The following COBL variants were observed in gnomAD, a reference collection of about 807,000 sequenced individuals.
COBL encodes the protein protein cordon-bleu.
COBL carries 51 observed loss-of-function variants against 98.8 expected under a neutral mutation model. The ratio of observed to expected loss-of-function variants is 0.52; its 90% CI spans 0.41 to 0.65. The LOEUF (loss-of-function observed/expected upper bound fraction) is 0.65, where lower values mean the gene tolerates loss of function less well. Among genes scored for constraint, COBL ranks in the 30% least tolerant of loss-of-function variants. COBL has a pLI of 0.00. For missense variants in COBL, 1,617 were observed against 1,617.5 expected (o/e 1.00, Z 0.01); for synonymous variants, 634 against 651.7 (o/e 0.97, Z 0.41).
intron 1 of COBL, among the ~76,000 whole-genome samples, chr7:51,306,558 A>C (rs1802493631): frequency 6.6e-6 from 1 of 152,132 alleles, no homozygotes; most frequent in East Asian, 1.9e-4. Flanking sequence ...AATGTTTATT[A>C]ATTCATCAGC....
At chr7:51,202,912 G>A (rs767499857) in intron 2 of COBL, among the ~76,000 whole-genome samples, 3 of 152,058 alleles carry the variant, frequency 2.0e-5, no homozygotes, top group African/African-American at 4.8e-5. Context: ...ATGGTGGCAC[G>A]GGCCTGTAAT....
At chr7:51,157,449 T>C (rs1786280448) in intron 5 of COBL, among the ~76,000 whole-genome samples, 1 of 152,190 alleles carries the variant, frequency 6.6e-6, no homozygotes, top group South Asian at 2.1e-4. Context: ...TTCCTTGGTG[T>C]CTTCTGAGGG....
intron 6 of COBL, among the ~76,000 whole-genome samples, chr7:51,130,283 G>A (rs1174851717): frequency 6.6e-6 from 1 of 152,156 alleles, no homozygotes; most frequent in African/African-American, 2.4e-5. Flanking sequence ...GAGGCCAACT[G>A]GCTGAGGAGT....
chr7:51,231,007 G>C (rs1794690168), intron 1 of COBL, among the ~76,000 whole-genome samples: 1 of 152,190 alleles, frequency 6.6e-6, no homozygotes, highest in Non-Finnish European at 1.5e-5. Context: ...GAAGTGACTG[G>C]GAGAGGGGTT....
chr7:51,122,144 C>T (rs1797796005), intron 6 of COBL, among the ~76,000 whole-genome samples: 1 of 152,216 alleles, frequency 6.6e-6, no homozygotes, highest in South Asian at 2.1e-4. Flanking sequence ...ATACTTAAGA[C>T]TCTAATCTCC....
At chr7:51,258,620 G>A (rs1422258897) in intron 1 of COBL, among the ~76,000 whole-genome samples, 1 of 151,946 alleles carries the variant, frequency 6.6e-6, no homozygotes, top group Non-Finnish European at 1.5e-5. Context: ...GAACATACTT[G>A]ATAAAAATTC....
In COBL at chr7:51,028,748, G is replaced by T. The variant is rs1787860421; in HGVS notation, c.2348C>A (p.Pro783His). ...CNSVEKHLGR[P>H]SESSARGPPS... ...GGGTCCCCTGGCAGAGCTCTCTGAG[G>T]GTCGGCCCAGGTGTTTTTCCACAGA... Residue 783 changes from proline (P) to histidine (H), a missense_variant, in exon 10 of 13, where the codon CCC becomes CAC. By Grantham distance (77) the Pro-to-His change is moderately conservative. Around this residue, in one of 3 missense-constraint regions of COBL, gnomAD observed 1,304 missense variants for 1,282.0 expected, o/e 1.02. Coordinates refer to ENST00000265136, the MANE Select transcript of COBL (RefSeq NM_015198.5). 6.2e-7 allele frequency: 1 copy of T among 1,614,050 alleles called. No individual in the cohort carries two copies. Among genetic ancestry groups the T allele is most frequent in the African/African-American group, 1.3e-5 (1 of 74,926 alleles).
At chr7:51,124,045 T>C (rs554025537) in intron 6 of COBL, among the ~76,000 whole-genome samples, 27 of 152,308 alleles carry the variant, frequency 1.8e-4, no homozygotes, top group South Asian at 4.1e-4. Flanking sequence ...AGTGTCCTCA[T>C]TGGTAAAATG....
At chr7:51,124,620 T>C (rs1235069753) in intron 6 of COBL, among the ~76,000 whole-genome samples, 2 of 152,116 alleles carry the variant, frequency 1.3e-5, no homozygotes, top group Non-Finnish European at 2.9e-5. Flanking sequence ...TGGACACCTA[T>C]GTCGTAATCT....
intron 1 of COBL, among the ~76,000 whole-genome samples, chr7:51,315,272 AG>A (rs1024814214): frequency 2.2e-4 from 33 of 147,328 alleles, no homozygotes; most frequent in Admixed American, 6.1e-4. Flanking sequence ...AAAAAAAAAA[AG>A]AGAGAGAGAA....
intron 6 of COBL, among the ~76,000 whole-genome samples, chr7:51,097,550 CTAA>C (rs912013357): frequency 1.3e-5 from 2 of 151,902 alleles, no homozygotes; most frequent in African/African-American, 4.8e-5. Flanking sequence ...GTAGAAAATC[CTAA>C]AGATTTGACA....
chr7:51,071,453 C>G (rs1432274874), intron 7 of COBL: 1 of 152,108 alleles, frequency 6.6e-6, no homozygotes, highest in African/African-American at 2.4e-5. Context: ...TGTCAAAGAT[C>G]GACCACTCAT....
chr7:51,054,299 G>A (rs1193822888), intron 7 of COBL, among the ~76,000 whole-genome samples: 2 of 151,708 alleles, frequency 1.3e-5, no homozygotes, highest in East Asian at 1.9e-4. Context: ...ATTTCCTTAT[G>A]GACGGCTTTT....
At chr7:51,031,251 G>A in intron 8 of COBL, 1 of 222,518 alleles carries the variant, frequency 4.5e-6, no homozygotes. Context: ...TCTGCAGACT[G>A]AAGTCAAAGT....
At chr7:51,187,775 G>T in intron 4 of COBL, 1 of 558,948 alleles carries the variant, frequency 1.8e-6, no homozygotes, top group Non-Finnish European at 2.7e-6. Context: ...AGCCTCGCAT[G>T]CACCTTCAGG....
intron 5 of COBL, among the ~76,000 whole-genome samples, chr7:51,136,999 T>C (rs1436774717): frequency 1.3e-5 from 2 of 152,200 alleles, no homozygotes; most frequent in Non-Finnish European, 2.9e-5. Flanking sequence ...CACAAACTTT[T>C]TGAATCTTTT....
chr7:51,097,961 T>C (rs976862343), intron 6 of COBL, among the ~76,000 whole-genome samples: 10 of 148,568 alleles, frequency 6.7e-5, no homozygotes, highest in African/African-American at 2.5e-4. Flanking sequence ...CAGGCGGAGA[T>C]TGCAGTGAGC....
chr7:51,106,981 A>G (rs76054296), intron 6 of COBL, among the ~76,000 whole-genome samples: 1,815 of 152,280 alleles, frequency 0.012, 29 homozygotes, highest in African/African-American at 0.042. Flanking sequence ...AATTTATGAT[A>G]CAAAGTTGAT....
At chr7:51,159,270 G>C (rs905924651) in intron 5 of COBL, among the ~76,000 whole-genome samples, 10 of 152,218 alleles carry the variant, frequency 6.6e-5, no homozygotes, top group Admixed American at 1.3e-4. Flanking sequence ...TGGGCCAGGT[G>C]ACAAGGCCAG....
Sources: allele counts gnomAD v4.1 joint callset (sites outside exome capture counted in the v4.1 genomes callset), GRCh38; gene constraint gnomAD v4.1.1; regional missense constraint gnomAD v4.1.1; transcripts MANE v1.5; gene names NCBI Gene and HGNC (gene_info 2026-07-23, HGNC 2026-07-21).